The following PTPRT variants were observed in gnomAD, a reference collection of about 807,000 sequenced individuals.
PTPRT encodes protein tyrosine phosphatase receptor type T, also known as receptor-type tyrosine-protein phosphatase T.
A neutral mutation model predicts 176.8 loss-of-function variants in PTPRT; 56 were observed. That is an observed-to-expected ratio of 0.32 (90% CI 0.26 to 0.40). PTPRT has a LOEUF of 0.40. PTPRT is among the 10% of genes least tolerant of loss of function. PTPRT has a pLI of 1.00. For missense variants in PTPRT, 1,540 were observed against 1,908.2 expected, an observed-to-expected ratio of 0.81 and a Z score of 3.60; for synonymous variants, 783 against 739.0, an observed-to-expected ratio of 1.06 and a Z score of -0.96.
intron 17 of PTPRT, among the ~76,000 whole-genome samples, chr20:42,160,516 T>C (rs1161651610): frequency 8.9e-6 from 1 of 112,284 alleles, no homozygotes; most frequent in African/African-American, 3.6e-5. Context: ...GCCCTTTGTC[T>C]GGATGCTGAG....
intron 13 of PTPRT, among the ~76,000 whole-genome samples, chr20:42,280,078 C>CTGTT (rs1355514183): frequency 1.3e-5 from 2 of 152,120 alleles, no homozygotes; most frequent in East Asian, 1.9e-4. Flanking sequence ...AAAAAGAATA[C>CTGTT]TGTTTTCAGG....
chr20:42,543,920 T>C (rs886104218), intron 7 of PTPRT, among the ~76,000 whole-genome samples: 2 of 152,170 alleles, frequency 1.3e-5, no homozygotes, highest in African/African-American at 4.8e-5. Flanking sequence ...TTGGTCTCAA[T>C]AGTGGGCTTA....
At chr20:42,369,584 G>T (rs1397585489) in intron 9 of PTPRT, among the ~76,000 whole-genome samples, 1 of 152,176 alleles carries the variant, frequency 6.6e-6, no homozygotes, top group Admixed American at 6.5e-5. Context: ...GAGCTCAAAG[G>T]CCCAGAGATA....
intron 7 of PTPRT, among the ~76,000 whole-genome samples, chr20:42,570,128 AGCCAGTGTGTGTC>A (rs1461544257): frequency 6.6e-5 from 10 of 152,160 alleles, no homozygotes; most frequent in South Asian, 2.1e-4. Flanking sequence ...CTGGCAGGAC[AGCCAGTGTGTGTC>A]GCCAGTGTGT....
At chr20:42,376,717 C>G (rs2058652403) in intron 9 of PTPRT, among the ~76,000 whole-genome samples, 1 of 152,024 alleles carries the variant, frequency 6.6e-6, no homozygotes, top group Admixed American at 6.6e-5. Context: ...CAGATTGAGG[C>G]AAAGAATTCC....
chr20:42,313,485 A>G (rs1319158186), intron 12 of PTPRT, among the ~76,000 whole-genome samples: 1 of 152,064 alleles, frequency 6.6e-6, no homozygotes, highest in Non-Finnish European at 1.5e-5. Context: ...TGGTGAGGAC[A>G]TTCCTTCTGA....
Position 42,150,682 on chromosome 20 carries a change from CA to C in PTPRT, c.2683-8681del, listed in dbSNP as rs1163131402. 5.9e-5 allele frequency among the ~76,000 whole-genome samples: 9 copies of C among 152,284 alleles called. No homozygotes were observed. In the East Asian group the frequency reaches 1.7e-3, roughly 29 times the overall value. ...CTAAAATGTTTGAATATTTTTACTG[CA>C]AATAAGTTCACCACTTCGAGTGTCA... On this transcript the variant is annotated intron_variant, in intron 17 of 30. Coordinates refer to ENST00000373187, the MANE Select transcript of PTPRT (RefSeq NM_007050.6).
chr20:42,117,266 A>G (rs1167964799), intron 21 of PTPRT, among the ~76,000 whole-genome samples: 2 of 152,204 alleles, frequency 1.3e-5, no homozygotes, highest in African/African-American at 4.8e-5. Context: ...AGAGGCCAGA[A>G]TTCATCTTTA....
At chr20:42,932,857 AAG>A (rs1479419983) in intron 1 of PTPRT, among the ~76,000 whole-genome samples, 2 of 152,238 alleles carry the variant, frequency 1.3e-5, no homozygotes, top group African/African-American at 4.8e-5. Flanking sequence ...TATTAATACA[AAG>A]AGAAAAATGC....
chr20:42,430,876 C>A (rs1379262340), intron 9 of PTPRT, among the ~76,000 whole-genome samples: 1 of 152,204 alleles, frequency 6.6e-6, no homozygotes, highest in Non-Finnish European at 1.5e-5. Flanking sequence ...GCCTTCTTCC[C>A]AGACATGATG....
At chr20:42,884,763 G>A (rs551617416) in intron 2 of PTPRT, among the ~76,000 whole-genome samples, 1 of 152,240 alleles carries the variant, frequency 6.6e-6, no homozygotes, top group South Asian at 2.1e-4. Flanking sequence ...GGAGCCTTTG[G>A]TCAAGCAGAA....
chr20:42,478,957 T>A (rs1354881176), intron 7 of PTPRT, among the ~76,000 whole-genome samples: 1 of 152,138 alleles, frequency 6.6e-6, no homozygotes, highest in East Asian at 1.9e-4. Flanking sequence ...GCCACCCGAA[T>A]TTAGGTGCTA....
At chr20:42,550,259 T>C (rs1270209205) in intron 7 of PTPRT, among the ~76,000 whole-genome samples, 1 of 151,894 alleles carries the variant, frequency 6.6e-6, no homozygotes, top group African/African-American at 2.4e-5. Flanking sequence ...ACTAGAAGTA[T>C]CTCCAGACCA....
the PTPRT span, among the ~76,000 whole-genome samples, chr20:42,048,041 G>A: frequency 1.3e-5 from 2 of 152,240 alleles, no homozygotes; most frequent in South Asian, 4.2e-4. Context: ...TGGGCTTTCT[G>A]GGTCACTCCC....
intron 1 of PTPRT, among the ~76,000 whole-genome samples, chr20:42,896,256 C>A (rs1406586016): frequency 6.6e-6 from 1 of 151,852 alleles, no homozygotes; most frequent in Admixed American, 6.6e-5. Context: ...GTCTGACAAC[C>A]AAGGCGACCT....
chr20:42,990,292 G>A (rs931650785), intron 1 of PTPRT, among the ~76,000 whole-genome samples: 1 of 152,092 alleles, frequency 6.6e-6, no homozygotes, highest in African/African-American at 2.4e-5. Context: ...GCTTTCTAGA[G>A]AAACGGTTGC....
chr20:42,210,839 T>C (rs2055605437), intron 15 of PTPRT, among the ~76,000 whole-genome samples: 1 of 152,124 alleles, frequency 6.6e-6, no homozygotes, highest in Non-Finnish European at 1.5e-5. Context: ...CATCGCCAAG[T>C]CAATCCTAAC....
intron 17 of PTPRT, among the ~76,000 whole-genome samples, chr20:42,152,220 T>A (rs983274228): frequency 2.6e-5 from 4 of 152,260 alleles, no homozygotes; most frequent in Admixed American, 2.6e-4. Context: ...GAGTTAGTGG[T>A]GGCCTTGGCA....
intron 15 of PTPRT, among the ~76,000 whole-genome samples, chr20:42,224,041 C>T (rs2055947716): frequency 6.6e-6 from 1 of 152,182 alleles, no homozygotes; most frequent in African/African-American, 2.4e-5. Context: ...AATATACCCA[C>T]CAATTCCCAC....
Sources: allele counts gnomAD v4.1 joint callset (sites outside exome capture counted in the v4.1 genomes callset), GRCh38; gene constraint gnomAD v4.1.1; transcripts MANE v1.5; gene names NCBI Gene and HGNC (gene_info 2026-07-23, HGNC 2026-07-21).